Variants in SNTG1 observed in about 807,000 individuals in gnomAD.
SNTG1 encodes syntrophin gamma 1.
SNTG1 carries 39 observed loss-of-function variants against 74.7 expected under a neutral mutation model. The ratio of observed to expected loss-of-function variants is 0.52; its 90% CI spans 0.40 to 0.68. The LOEUF (loss-of-function observed/expected upper bound fraction) is 0.68, where lower values mean the gene tolerates loss of function less well. Ranked by LOEUF, SNTG1 falls within the 30% of genes least tolerant of loss-of-function variation. The pLI is 0.00. For missense variants in SNTG1, 685 were observed against 609.5 expected (o/e 1.12, Z -1.30); for synonymous variants, 254 against 217.1 (o/e 1.17, Z -1.49).
intron 13 of SNTG1, among the ~76,000 whole-genome samples, chr8:50,615,756 C>T (rs2094881577): frequency 6.6e-6 from 1 of 152,166 alleles, no homozygotes; most frequent in Admixed American, 6.5e-5. Flanking sequence ...GGTGAAAAGA[C>T]ACAGCTGACT....
intron 1 of SNTG1, among the ~76,000 whole-genome samples, chr8:49,980,217 T>TA (rs1812549163): frequency 3.3e-5 from 5 of 152,174 alleles, no homozygotes; most frequent in African/African-American, 1.2e-4. Context: ...ACTTTCTTTC[T>TA]CTATGAATTA....
intron 1 of SNTG1, among the ~76,000 whole-genome samples, chr8:49,981,636 T>A (rs900178003): frequency 6.6e-6 from 1 of 152,218 alleles, no homozygotes; most frequent in Admixed American, 6.5e-5. Context: ...TATCATTACA[T>A]CTTGTTATAA....
intron 1 of SNTG1, among the ~76,000 whole-genome samples, chr8:49,923,628 G>A (rs1264327578): frequency 6.6e-6 from 1 of 151,940 alleles, no homozygotes; most frequent in African/African-American, 2.4e-5. Flanking sequence ...AAAGTTTTGA[G>A]CATCAATCTC....
intron 2 of SNTG1, among the ~76,000 whole-genome samples, chr8:50,324,353 G>A (rs2090649968): frequency 1.3e-5 from 2 of 152,170 alleles, no homozygotes; most frequent in Admixed American, 1.3e-4. Flanking sequence ...TGCCACAGTT[G>A]TTGGCATTGG....
intron 13 of SNTG1, among the ~76,000 whole-genome samples, chr8:50,609,981 C>T (rs1387472752): frequency 2.0e-5 from 3 of 152,114 alleles, no homozygotes; most frequent in Non-Finnish European, 4.4e-5. Context: ...CAGTTTCTAT[C>T]AACTGCTTCT....
intron 12 of SNTG1, among the ~76,000 whole-genome samples, chr8:50,562,585 C>G (rs1189367854): frequency 6.6e-6 from 1 of 152,198 alleles, no homozygotes; most frequent in African/African-American, 2.4e-5. Flanking sequence ...ACCTACAGAA[C>G]AGTATGATAA....
At chr8:50,458,651 T>G (rs190711835) in intron 8 of SNTG1, among the ~76,000 whole-genome samples, 249 of 152,286 alleles carry the variant, frequency 1.6e-3, no homozygotes, top group African/African-American at 5.7e-3. Context: ...ATTTTACATG[T>G]CTACACTTGC....
intron 1 of SNTG1, among the ~76,000 whole-genome samples, chr8:50,152,340 A>G (rs1256475017): frequency 6.6e-6 from 1 of 152,078 alleles, no homozygotes; most frequent in African/African-American, 2.4e-5. Flanking sequence ...CAGCACACTG[A>G]TGGGTCTTGA....
At chr8:50,222,624 A>G (rs1412525860) in intron 2 of SNTG1, among the ~76,000 whole-genome samples, 1 of 152,148 alleles carries the variant, frequency 6.6e-6, no homozygotes, top group Non-Finnish European at 1.5e-5. Context: ...GAGGATTTTG[A>G]CCACTGACTT....
At chr8:50,779,454 T>C (rs1431209202) in intron 18 of SNTG1, among the ~76,000 whole-genome samples, 1 of 152,184 alleles carries the variant, frequency 6.6e-6, no homozygotes, top group African/African-American at 2.4e-5. Context: ...TATTTTATTC[T>C]CTTTGAAGCA....
At chr8:50,073,455 T>A (rs1821553765) in intron 1 of SNTG1, among the ~76,000 whole-genome samples, 1 of 152,158 alleles carries the variant, frequency 6.6e-6, no homozygotes, top group South Asian at 2.1e-4. Context: ...CTTTAACCCC[T>A]CAAAGTCATC....
intron 8 of SNTG1, among the ~76,000 whole-genome samples, chr8:50,495,395 G>T (rs950367149): frequency 1.1e-4 from 16 of 151,420 alleles, no homozygotes; most frequent in Non-Finnish European, 1.9e-4. Context: ...AGCTTTTCCA[G>T]CTCTGTCCTG....
intron 1 of SNTG1, among the ~76,000 whole-genome samples, chr8:49,993,470 A>G (rs1188092539): frequency 6.6e-6 from 1 of 151,926 alleles, no homozygotes; most frequent in Non-Finnish European, 1.5e-5. Context: ...TACATGTGCC[A>G]TGGTGGTTTG....
chr8:50,438,646 G>C, intron 5 of SNTG1, 47 bp downstream of exon 5: 2 of 1,491,236 alleles, frequency 1.3e-6, no homozygotes, highest in Non-Finnish European at 1.9e-6. Context: ...TGCCATAAGA[G>C]CTGAACTTTG....
intron 1 of SNTG1, among the ~76,000 whole-genome samples, chr8:50,098,223 T>C (rs1337812877): frequency 6.6e-6 from 1 of 152,136 alleles, no homozygotes; most frequent in African/African-American, 2.4e-5. Flanking sequence ...ATCTTGCTGG[T>C]CAAGAAAAGA....
intron 1 of SNTG1, among the ~76,000 whole-genome samples, chr8:49,966,486 C>A (rs1811155449): frequency 6.6e-6 from 1 of 151,896 alleles, no homozygotes; most frequent in African/African-American, 2.4e-5. Flanking sequence ...CCTCAGCCTC[C>A]CAACTTCAAG....
In SNTG1 at chr8:50,010,574, T is replaced by A. The variant is rs147942554; in HGVS notation, c.-103+98343T>A. Among the ~76,000 whole-genome samples the A allele has an allele frequency of 6.6e-5, 10 of 152,212 alleles. No homozygotes were observed. In the East Asian group the frequency reaches 1.9e-3, roughly 29 times the overall value. ...ATACCCTAAAGAATCACCAGTATAG[T>A]CATTTTCTAAAGAATGACAAATTCA... On this transcript the variant is annotated intron_variant, in intron 1 of 18. Coordinates refer to ENST00000642720, the MANE Select transcript of SNTG1 (RefSeq NM_018967.5).
chr8:50,517,938 G>A (rs182761006), intron 9 of SNTG1, among the ~76,000 whole-genome samples: 1 of 152,160 alleles, frequency 6.6e-6, no homozygotes, highest in Non-Finnish European at 1.5e-5. Context: ...CTTGAACTCA[G>A]CTCTGGAGCA....
chr8:50,058,357 T>A (rs1404780494), intron 1 of SNTG1, among the ~76,000 whole-genome samples: 1 of 152,186 alleles, frequency 6.6e-6, no homozygotes, highest in African/African-American at 2.4e-5. Context: ...GGTTTCTAAA[T>A]ACACTCATAT....
Sources: gnomAD v4.1 joint callset for allele counts (sites outside exome capture counted in the v4.1 genomes callset) on GRCh38, gnomAD v4.1.1 for gene constraint, MANE v1.5 for transcripts, NCBI Gene and HGNC (gene_info 2026-07-23, HGNC 2026-07-21) for gene names.